IGF1R: variants seen among roughly 807,000 people sequenced by gnomAD.
The protein encoded by IGF1R is insulin like growth factor 1 receptor.
Under a neutral mutation model 144.6 loss-of-function variants are expected in IGF1R, and 44 were observed. The ratio of observed to expected loss-of-function variants is 0.30; its 90% confidence interval spans 0.24 to 0.39. IGF1R has a LOEUF of 0.39. Ranked by LOEUF, IGF1R falls within the 10% of genes least tolerant of loss-of-function variation. IGF1R has a pLI of 1.00. For synonymous variants in IGF1R, 795 were observed against 722.8 expected, an observed-to-expected ratio of 1.10 and a Z score of -1.60; for missense variants, 1,355 against 1,833.7, an observed-to-expected ratio of 0.74 and a Z score of 4.77.
chr15:98,684,119 A>C (rs1218268751), intron 1 of IGF1R, among the ~76,000 whole-genome samples: 3 of 152,154 alleles, frequency 2.0e-5, no homozygotes, highest in Non-Finnish European at 2.9e-5. Context: ...ACAGCTTTAA[A>C]AGTTCAGATT....
At chr15:98,934,021 T>G (rs1233132362) in intron 15 of IGF1R, among the ~76,000 whole-genome samples, 4 of 152,228 alleles carry the variant, frequency 2.6e-5, no homozygotes. Flanking sequence ...ATTTTAATAG[T>G]TTTTTAGTTC....
chr15:98,772,092 A>C (rs976994818), intron 2 of IGF1R, among the ~76,000 whole-genome samples: 21 of 152,180 alleles, frequency 1.4e-4, no homozygotes, highest in African/African-American at 5.1e-4. Flanking sequence ...GAGACCCCCA[A>C]ACTGCGAACA....
chr15:98,846,171 A>T (rs936433889), intron 2 of IGF1R, among the ~76,000 whole-genome samples: 2 of 152,214 alleles, frequency 1.3e-5, no homozygotes, highest in Non-Finnish European at 2.9e-5. Flanking sequence ...CAAATGGCTT[A>T]TAAAATTTTA....
At chr15:98,939,877 C>T (rs1438725294) in intron 18 of IGF1R, among the ~76,000 whole-genome samples, 1 of 152,198 alleles carries the variant, frequency 6.6e-6, no homozygotes, top group Admixed American at 6.5e-5. Flanking sequence ...GAGGGACGAT[C>T]ACTGCTCACT....
chr15:98,916,993 C>A, intron 10 of IGF1R, 117 bp downstream of exon 10: 1 of 864,156 alleles, frequency 1.2e-6, no homozygotes, highest in Non-Finnish European at 1.9e-6. Flanking sequence ...ATACAGTAGC[C>A]ACTGAGACGG....
In IGF1R at chr15:98,957,480, C is replaced by T. The variant is rs765874885; in HGVS notation, c.*38C>T. ...GAATCTGTGCAAACAGTAACGTGTG[C>T]GCACGCGCAGCGGGGTGGGGGGGGA... On this transcript the variant is annotated 3_prime_UTR_variant, in exon 21 of 21. Transcript: ENST00000650285. The T allele has an allele frequency of 2.2e-5, 36 of 1,611,276 alleles. No individual in the cohort carries two copies. Among genetic ancestry groups the T allele is most frequent in the African/African-American group, 1.2e-4 (9 of 74,876 alleles).
At chr15:98,750,199 AG>A (rs2054974826) in intron 2 of IGF1R, among the ~76,000 whole-genome samples, 1 of 151,646 alleles carries the variant, frequency 6.6e-6, no homozygotes, top group Non-Finnish European at 1.5e-5. Flanking sequence ...GAGCTGAGAA[AG>A]GCCTCACATC....
chr15:98,825,849 C>T lies in IGF1R; in HGVS notation c.641-65476C>T, dbSNP rs79268124. On this transcript the variant is annotated intron_variant, in intron 2 of 20. Coordinates refer to ENST00000650285, the MANE Select transcript of IGF1R (RefSeq NM_000875.5). Reference sequence around the variant, plus strand: ...ATTTTTTTTCCTGAATATTTTTGATCTGCAGTTGGTTGAATCCATGGGTGT... The same window carrying T: ...ATTTTTTTTCCTGAATATTTTTGATTTGCAGTTGGTTGAATCCATGGGTGT... Among the ~76,000 whole-genome samples the T allele has an allele frequency of 3.1e-3, 470 of 152,202 alleles. 23 individuals are homozygous for T. In the East Asian group the frequency reaches 0.083, roughly 27 times the overall value.
chr15:98,690,358 A>G (rs777464704), intron 1 of IGF1R, among the ~76,000 whole-genome samples: 4 of 152,148 alleles, frequency 2.6e-5, no homozygotes, highest in Non-Finnish European at 5.9e-5. Context: ...AAACAAAAAC[A>G]CATGCTTATG....
intron 1 of IGF1R, among the ~76,000 whole-genome samples, chr15:98,699,721 C>T (rs1445985507): frequency 6.6e-6 from 1 of 152,142 alleles, no homozygotes; most frequent in African/African-American, 2.4e-5. Flanking sequence ...AAGTTCTTTG[C>T]TGTATGTAGC....
intron 2 of IGF1R, among the ~76,000 whole-genome samples, chr15:98,788,052 CTCT>C (rs2056040571): frequency 7.2e-6 from 1 of 139,566 alleles, no homozygotes; most frequent in Non-Finnish European, 1.6e-5. Context: ...CTCTCTCTCT[CTCT>C]CTCTCTCTGT....
chr15:98,819,801 T>C (rs550270006), intron 2 of IGF1R, among the ~76,000 whole-genome samples: 1 of 152,342 alleles, frequency 6.6e-6, no homozygotes, highest in East Asian at 1.9e-4. Context: ...AAAAACTATA[T>C]CCCACCCCAG....
Position 98,929,539 on chromosome 15 carries a change from T to G in IGF1R, c.2783-19T>G. 6.3e-7 allele frequency: 1 copy of G among 1,581,480 alleles called. No individual in the cohort carries two copies. Among genetic ancestry groups the G allele is most frequent in the Non-Finnish European group, 8.7e-7 (1 of 1,150,264 alleles). ...TGTTCACCTGGTGATATTTTATCATTTCCTCCTCTTTGCTGCAGCAGGATA... is the reference window on the plus strand; with the variant it reads ...TGTTCACCTGGTGATATTTTATCATGTCCTCCTCTTTGCTGCAGCAGGATA... On this transcript the variant is annotated intron_variant, in intron 13 of 20. Transcript: ENST00000650285.
chr15:98,850,243 A>G (rs2011481677), intron 2 of IGF1R, among the ~76,000 whole-genome samples: 1 of 152,234 alleles, frequency 6.6e-6, no homozygotes, highest in African/African-American at 2.4e-5. Flanking sequence ...GCAGGTGGGC[A>G]TGGTGGTGAG....
intron 2 of IGF1R, among the ~76,000 whole-genome samples, chr15:98,783,690 T>C (rs1256625696): frequency 6.6e-6 from 1 of 152,200 alleles, no homozygotes; most frequent in African/African-American, 2.4e-5. Flanking sequence ...AGATACAACT[T>C]ATTGAACTCA....
At chr15:98,896,966 T>C (rs1485687512) in intron 4 of IGF1R, 61 bp downstream of exon 4, 2 of 1,544,470 alleles carry the variant, frequency 1.3e-6, no homozygotes, top group Non-Finnish European at 1.8e-6. Context: ...TGTTGATGCT[T>C]TTCATGCTCC....
chr15:98,834,973 C>T (rs1293092374), intron 2 of IGF1R, among the ~76,000 whole-genome samples: 2 of 151,862 alleles, frequency 1.3e-5, no homozygotes, highest in Admixed American at 6.6e-5. Context: ...TGTAAGATGG[C>T]GAGTGTTGAG....
intron 2 of IGF1R, among the ~76,000 whole-genome samples, chr15:98,835,261 A>G (rs755349557): frequency 6.6e-6 from 1 of 152,102 alleles, no homozygotes; most frequent in Non-Finnish European, 1.5e-5. Context: ...GGCTACAACA[A>G]CTGTAGCATA....
intron 2 of IGF1R, among the ~76,000 whole-genome samples, chr15:98,758,740 C>G (rs533860405): frequency 2.0e-5 from 3 of 152,232 alleles, no homozygotes; most frequent in Non-Finnish European, 4.4e-5. Context: ...AAGGCCCTCA[C>G]TCTCATCCCA....
Sources: allele counts gnomAD v4.1 joint callset (sites outside exome capture counted in the v4.1 genomes callset), GRCh38; gene constraint gnomAD v4.1.1; transcripts MANE v1.5; gene names NCBI Gene and HGNC (gene_info 2026-07-23, HGNC 2026-07-21).